The following TMEFF2 variants were observed in gnomAD, a reference collection of about 807,000 sequenced individuals.
The protein encoded by TMEFF2 is tomoregulin-2.
In TMEFF2, 28 loss-of-function variants were observed where a neutral mutation model predicts 53.8. The ratio of observed to expected loss-of-function variants is 0.52; its 90% confidence interval spans 0.39 to 0.71. The LOEUF (loss-of-function observed/expected upper bound fraction) is 0.71, where lower values mean the gene tolerates loss of function less well. Ranked by LOEUF, TMEFF2 falls within the 30% of genes least tolerant of loss-of-function variation. The probability of loss-of-function intolerance (pLI) is 0.00; values close to 1 mark genes in which losing one functional copy is unlikely to be tolerated. For synonymous variants in TMEFF2, 162 were observed against 166.3 expected (o/e 0.97, Z 0.20); for missense variants, 353 against 455.2 (o/e 0.78, Z 2.04).
intron 4 of TMEFF2, 65 bp from the exon 5 acceptor site, chr2:192,057,840 C>A: frequency 7.7e-7 from 1 of 1,298,670 alleles, no homozygotes; most frequent in Non-Finnish European, 1.1e-6. Context: ...AACTCCAGGA[C>A]AATTCTTTAA....
At chr2:191,973,490 T>C (rs549868696) in intron 7 of TMEFF2, among the ~76,000 whole-genome samples, 19 of 151,994 alleles carry the variant, frequency 1.3e-4, no homozygotes, top group Non-Finnish European at 2.5e-4. Flanking sequence ...CATACATATA[T>C]ATTTATGTGT....
Position 192,194,631 on chromosome 2 carries a change from C to A in TMEFF2, c.-107G>T, listed in dbSNP as rs977398572. 7.4e-7 allele frequency: 1 copy of A among 1,357,284 alleles called. No homozygotes were observed. Among genetic ancestry groups the A allele is most frequent in the Non-Finnish European group, 1.0e-6 (1 of 993,672 alleles). The allele number at this position is 1,357,284 out of a possible 1,614,324, so 84.1% of individuals were successfully genotyped here. ...ATCCCGCGGACGGCGGCAGCAGAGGCGGCGGCGGTGGCAGTGGCACCCGGC... is the reference window on the plus strand; with the variant it reads ...ATCCCGCGGACGGCGGCAGCAGAGGAGGCGGCGGTGGCAGTGGCACCCGGC... On this transcript the variant is annotated 5_prime_UTR_variant, in exon 1 of 10. Transcript: ENST00000272771. This position sits in a 1 kb window ranked among gnomAD's most constrained non-coding sequence, Gnocchi z 4.2.
At chr2:191,955,453 A>T (rs1692044351) in intron 8 of TMEFF2, among the ~76,000 whole-genome samples, 1 of 146,206 alleles carries the variant, frequency 6.8e-6, no homozygotes, top group Non-Finnish European at 1.5e-5. Flanking sequence ...GGCTCAAGGG[A>T]TCATCCCATC....
At chr2:192,173,108 A>G (rs1378266471) in intron 4 of TMEFF2, among the ~76,000 whole-genome samples, 2 of 151,888 alleles carry the variant, frequency 1.3e-5, no homozygotes, top group African/African-American at 4.8e-5. Context: ...ACAATGACTT[A>G]TTGTATATTT....
intron 7 of TMEFF2, among the ~76,000 whole-genome samples, chr2:191,982,459 T>G (rs1178953941): frequency 6.7e-6 from 1 of 149,446 alleles, no homozygotes; most frequent in Non-Finnish European, 1.5e-5. Flanking sequence ...TTCTAAGATA[T>G]TATAACCTGT....
chr2:191,961,716 CCTTAT>C (rs143790254), intron 7 of TMEFF2, among the ~76,000 whole-genome samples: 2,435 of 152,250 alleles, frequency 0.016, 58 homozygotes, highest in African/African-American at 0.055. Flanking sequence ...GATTTCCTCT[CCTTAT>C]CTTATCAGGT....
At chr2:192,120,454 A>T (rs2105965387) in intron 4 of TMEFF2, among the ~76,000 whole-genome samples, 1 of 152,334 alleles carries the variant, frequency 6.6e-6, no homozygotes, top group Admixed American at 6.5e-5. Context: ...AACACTGCTC[A>T]TAAATATATA....
At chr2:191,958,154 A>T (rs988920149) in intron 7 of TMEFF2, among the ~76,000 whole-genome samples, 2 of 152,180 alleles carry the variant, frequency 1.3e-5, no homozygotes, top group Non-Finnish European at 2.9e-5. Flanking sequence ...TACACACTAT[A>T]GCGATCAAAC....
intron 6 of TMEFF2, 144 bp downstream of exon 6, chr2:191,998,916 G>T: frequency 1.3e-6 from 1 of 760,432 alleles, no homozygotes; most frequent in Non-Finnish European, 2.1e-6. Context: ...CGACACAAAT[G>T]CTACAGTAGA....
intron 4 of TMEFF2, among the ~76,000 whole-genome samples, chr2:192,128,813 A>G (rs73045778): frequency 0.15 from 22,380 of 152,238 alleles, 2,386 homozygotes; most frequent in African/African-American, 0.28. Context: ...AAATGTTGAA[A>G]GAGAAAGCAG....
chr2:191,977,783 C>G (rs1007595917), intron 7 of TMEFF2, among the ~76,000 whole-genome samples: 1 of 152,122 alleles, frequency 6.6e-6, no homozygotes, highest in Non-Finnish European at 1.5e-5. Flanking sequence ...TCAATGTGAT[C>G]TATTCTGATG....
chr2:192,169,825 C>G (rs1690864397), intron 4 of TMEFF2, among the ~76,000 whole-genome samples: 1 of 152,050 alleles, frequency 6.6e-6, no homozygotes, highest in Non-Finnish European at 1.5e-5. Flanking sequence ...CAAAGCAGTT[C>G]TGGCATAAGG....
intron 7 of TMEFF2, among the ~76,000 whole-genome samples, chr2:191,974,544 A>G (rs141883055): frequency 6.4e-4 from 97 of 152,312 alleles, no homozygotes; most frequent in African/African-American, 2.2e-3. Context: ...GAACAAAAGT[A>G]CTGAAAGTTC....
chr2:192,156,455 A>G (rs1690508722), intron 4 of TMEFF2, among the ~76,000 whole-genome samples: 1 of 151,944 alleles, frequency 6.6e-6, no homozygotes, highest in Non-Finnish European at 1.5e-5. Context: ...ATTCAAACCC[A>G]GAGTCTGGGT....
At chr2:192,062,537 C>T (rs1688068921) in intron 4 of TMEFF2, among the ~76,000 whole-genome samples, 1 of 152,074 alleles carries the variant, frequency 6.6e-6, no homozygotes, top group African/African-American at 2.4e-5. Flanking sequence ...TAACTAGCAG[C>T]AGGATTACTG....
chr2:192,147,335 CT>C (rs71971421), intron 4 of TMEFF2, among the ~76,000 whole-genome samples: 279 of 151,812 alleles, frequency 1.8e-3, no homozygotes, highest in African/African-American at 5.5e-3. Flanking sequence ...TTTATTTTCT[CT>C]TTTTTTTATT....
At chr2:191,967,839 C>T (rs533237376) in intron 7 of TMEFF2, among the ~76,000 whole-genome samples, 2 of 152,240 alleles carry the variant, frequency 1.3e-5, no homozygotes, top group East Asian at 3.9e-4. Flanking sequence ...GCTGCTCTTC[C>T]CGCATCCACT....
chr2:192,040,244 A>G (rs1385104250), intron 5 of TMEFF2, among the ~76,000 whole-genome samples: 1 of 152,132 alleles, frequency 6.6e-6, no homozygotes, highest in South Asian at 2.1e-4. Flanking sequence ...CTTTTGATTA[A>G]TAGTAGCAGC....
At chr2:191,979,737 A>G (rs1685809923) in intron 7 of TMEFF2, among the ~76,000 whole-genome samples, 3 of 151,866 alleles carry the variant, frequency 2.0e-5, no homozygotes, top group African/African-American at 7.3e-5. Flanking sequence ...AATGTTTTTT[A>G]AATGCCCAGT....
Sources: gnomAD v4.1 joint callset for allele counts (sites outside exome capture counted in the v4.1 genomes callset) on GRCh38, gnomAD v4.1.1 for gene constraint, Gnocchi (gnomAD v3.1) non-coding constraint, MANE v1.5 for transcripts, NCBI Gene and HGNC (gene_info 2026-07-23, HGNC 2026-07-21) for gene names.